Variants in AKAP6 observed in about 807,000 individuals in gnomAD.
AKAP6 encodes the protein A-kinase anchoring protein 6, also known as A-kinase anchor protein 6.
AKAP6 carries 58 observed loss-of-function variants against 188.5 expected under a neutral mutation model. The observed-to-expected ratio is 0.31, with a 90% CI of 0.25 to 0.38. The LOEUF (loss-of-function observed/expected upper bound fraction) is 0.38, where lower values mean the gene tolerates loss of function less well. AKAP6 is among the 10% of genes least tolerant of loss of function. The pLI is 1.00. For synonymous variants in AKAP6, 989 were observed against 998.6 expected (o/e 0.99, Z 0.18); for missense variants, 2,710 against 2,740.0 (o/e 0.99, Z 0.24).
chr14:32,737,590 A>G (rs897906789), intron 11 of AKAP6, among the ~76,000 whole-genome samples: 2 of 152,090 alleles, frequency 1.3e-5, no homozygotes, highest in Non-Finnish European at 2.9e-5. Context: ...ACCTTTTTAC[A>G]TATGGGAAAC....
chr14:32,438,339 AATG>A (rs572010146), intron 2 of AKAP6, among the ~76,000 whole-genome samples: 41 of 152,224 alleles, frequency 2.7e-4, no homozygotes, highest in Non-Finnish European at 5.7e-4. Flanking sequence ...CTTCTTTGGT[AATG>A]ATTTCGGTTA....
At chr14:32,492,351 T>TAGAGAGAGAGAG (rs1238554275) in intron 2 of AKAP6, among the ~76,000 whole-genome samples, 15 of 54,910 alleles carry the variant, frequency 2.7e-4, no homozygotes, top group African/African-American at 6.5e-4. Context: ...TATATATATA[T>TAGAGAGAGAGAG]ATATAGAGAG....
At chr14:32,533,677 T>G (rs948531878) in intron 2 of AKAP6, among the ~76,000 whole-genome samples, 2 of 152,084 alleles carry the variant, frequency 1.3e-5, no homozygotes, top group Non-Finnish European at 2.9e-5. Context: ...TACAGGCATT[T>G]ATTTTGGGGT....
chr14:32,769,189 A>C (rs1024443137), intron 11 of AKAP6, among the ~76,000 whole-genome samples: 6 of 151,288 alleles, frequency 4.0e-5, no homozygotes, highest in African/African-American at 1.2e-4. Flanking sequence ...CTGGGATTAC[A>C]GGCACCCACC....
chr14:32,424,513 A>G (rs1016280125), intron 1 of AKAP6, among the ~76,000 whole-genome samples: 1 of 151,814 alleles, frequency 6.6e-6, no homozygotes, highest in Non-Finnish European at 1.5e-5. Context: ...TTTAACTTTT[A>G]TTTTAAGTTC....
intron 7 of AKAP6, among the ~76,000 whole-genome samples, chr14:32,629,420 A>G (rs1380472845): frequency 2.7e-4 from 41 of 150,018 alleles, no homozygotes; most frequent in Non-Finnish European, 4.9e-4. Context: ...CTCAAAAAAA[A>G]AAAAAAAAAA....
chr14:32,821,807 T>A lies in AKAP6; in HGVS notation c.3994T>A (p.Ser1332Thr), dbSNP rs1413978565. Residue 1332 changes from serine to threonine, a missense_variant, in exon 13 of 14, where the codon TCT becomes ACT. Transcript: ENST00000280979. ...TCTCAGTAAAGACTCTTCATTTTCATCTACCAAATCTTTGCCAGATCTTCT... is the reference window on the plus strand; with the variant it reads ...TCTCAGTAAAGACTCTTCATTTTCAACTACCAAATCTTTGCCAGATCTTCT... ...KSLSKDSSFS[S>T]TKSLPDLLGG... 6.2e-7 allele frequency: 1 copy of A among 1,613,858 alleles called. No homozygotes were observed. Among genetic ancestry groups the A allele is most frequent in the East Asian group, 2.2e-5 (1 of 44,878 alleles).
chr14:32,489,959 A>G (rs983731420), intron 2 of AKAP6, among the ~76,000 whole-genome samples: 1 of 152,208 alleles, frequency 6.6e-6, no homozygotes, highest in Non-Finnish European at 1.5e-5. Context: ...TGGGATTATC[A>G]TTAGTTCTTA....
At chr14:32,577,291 T>G in intron 5 of AKAP6, 49 bp downstream of exon 5, 1 of 1,580,800 alleles carries the variant, frequency 6.3e-7, no homozygotes, top group Non-Finnish European at 8.6e-7. Context: ...AGGATTTTAA[T>G]GTACTGCTTG....
chr14:32,743,356 GT>G (rs1380370500), intron 11 of AKAP6, among the ~76,000 whole-genome samples: 1 of 152,040 alleles, frequency 6.6e-6, no homozygotes, highest in African/African-American at 2.4e-5. Context: ...AATTTAGTCC[GT>G]TACATTCAGC....
In AKAP6 at chr14:32,671,244, C is replaced by G. The variant is rs370931242; in HGVS notation, c.2731-7067C>G. On this transcript the variant is annotated intron_variant, in intron 7 of 13. Coordinates refer to ENST00000280979, the MANE Select transcript of AKAP6 (RefSeq NM_004274.5). ...TGTCGTGCAAACACAAGCAAATGCCCCGAGAGCACACCCACCAGCCCTGCT... is the reference window on the plus strand; with the variant it reads ...TGTCGTGCAAACACAAGCAAATGCCGCGAGAGCACACCCACCAGCCCTGCT... 1.6e-3 allele frequency among the ~76,000 whole-genome samples: 239 copies of G among 152,100 alleles called. 2 individuals carry two copies. Among genetic ancestry groups the G allele is most frequent in the South Asian group, 6.6e-3 (32 of 4,818 alleles).
chr14:32,409,615 ATT>A (rs2138642996), intron 1 of AKAP6, among the ~76,000 whole-genome samples: 1 of 152,262 alleles, frequency 6.6e-6, no homozygotes, highest in Non-Finnish European at 1.5e-5. Context: ...TCTATCTGAA[ATT>A]GTGTGGTTCT....
intron 2 of AKAP6, among the ~76,000 whole-genome samples, chr14:32,466,178 A>G (rs1330291807): frequency 6.6e-6 from 1 of 152,198 alleles, no homozygotes; most frequent in Non-Finnish European, 1.5e-5. Context: ...GGATTCCTCA[A>G]GGATCTAGAA....
intron 12 of AKAP6, among the ~76,000 whole-genome samples, chr14:32,776,396 C>T (rs1955514): frequency 0.88 from 134,518 of 152,190 alleles, 60,324 homozygotes; most frequent in East Asian, 1. Context: ...CTCTTGTCTG[C>T]TGCCATGTAA....
chr14:32,451,081 A>G (rs1266566394), intron 2 of AKAP6, among the ~76,000 whole-genome samples: 1 of 152,204 alleles, frequency 6.6e-6, no homozygotes. Flanking sequence ...GGAAATACTT[A>G]TGAACAAACA....
chr14:32,779,527 T>G (rs183177553), intron 12 of AKAP6, among the ~76,000 whole-genome samples: 18 of 152,146 alleles, frequency 1.2e-4, no homozygotes, highest in Admixed American at 9.2e-4. Flanking sequence ...GTGGCTGTAT[T>G]AATAGTAAAC....
chr14:32,433,683 T>C lies in AKAP6; in HGVS notation c.190T>C (p.Trp64Arg). 1 of 1,614,182 alleles carries C rather than the reference T, an allele frequency of 6.2e-7. No individual in the cohort carries two copies. The highest frequency in any genetic ancestry group is 8.5e-7 in the Non-Finnish European group (1 of 1,180,024). ...KPPPLHTGAD[W>R]KIVLHLPEIE... ...ACCCCCACTACACACAGGGGCTGACTGGAAGATTGTCCTCCACTTACCTGA... is the reference window on the plus strand; with the variant it reads ...ACCCCCACTACACACAGGGGCTGACCGGAAGATTGTCCTCCACTTACCTGA... The change falls in exon 2 of 14, where the codon TGG (tryptophan) becomes CGG (arginine). Residue 64 changes from tryptophan (W) to arginine (R), a missense_variant. Transcript: ENST00000280979.
chr14:32,824,833 G>A lies in AKAP6; in HGVS notation c.*42+18G>A. ...ACTGAAAGGTACGTATAGTCCTCAT[G>A]CCGTATATGTATTTAAAATATTGAG... On this transcript the variant is annotated intron_variant, in intron 13 of 13. Coordinates refer to ENST00000280979, the MANE Select transcript of AKAP6 (RefSeq NM_004274.5). 6.5e-7 allele frequency: 1 copy of A among 1,528,760 alleles called. No individual in the cohort carries two copies. The highest frequency in any genetic ancestry group is 8.8e-7 in the Non-Finnish European group (1 of 1,140,642). 94.7% of individuals were successfully genotyped at this position (1,528,760 alleles called of 1,614,324 possible). A position where few individuals can be genotyped will look rare whatever the true frequency, so the allele number is the denominator to read the frequency against.
intron 2 of AKAP6, among the ~76,000 whole-genome samples, chr14:32,517,277 A>G (rs1268230504): frequency 6.6e-6 from 1 of 152,232 alleles, no homozygotes; most frequent in Non-Finnish European, 1.5e-5. Context: ...TAGCTAATAA[A>G]TGAAAACAAA....
Sources: gnomAD v4.1 joint callset for allele counts (sites outside exome capture counted in the v4.1 genomes callset) on GRCh38, gnomAD v4.1.1 for gene constraint, MANE v1.5 for transcripts, NCBI Gene and HGNC (gene_info 2026-07-23, HGNC 2026-07-21) for gene names.